The following TTI2 variants were observed in gnomAD, a reference collection of about 807,000 sequenced individuals.
The protein encoded by TTI2 is TELO2 interacting protein 2, also known as TELO2-interacting protein 2.
In TTI2, 26 loss-of-function variants were observed where a neutral mutation model predicts 44.9. The ratio of observed to expected loss-of-function variants is 0.58; its 90% confidence interval spans 0.42 to 0.80. The LOEUF (loss-of-function observed/expected upper bound fraction) is 0.80. Among genes scored for constraint, TTI2 ranks in the 30% least tolerant of loss-of-function variants. The pLI is 0.00. For missense variants in TTI2, 582 were observed against 611.6 expected, an observed-to-expected ratio of 0.95 and a Z score of 0.51; for synonymous variants, 254 against 250.9, an observed-to-expected ratio of 1.01 and a Z score of -0.12.
At chr8:33,510,023 T>G in intron 2 of TTI2, 91 bp from the exon 3 acceptor site, 4 of 1,051,942 alleles carry the variant, frequency 3.8e-6, no homozygotes, top group Non-Finnish European at 5.5e-6. Flanking sequence ...AACAGAGTAT[T>G]TTCATGTCTT....
At chr8:33,501,999 A>T (rs1295782741) in intron 6 of TTI2, among the ~76,000 whole-genome samples, 1 of 152,022 alleles carries the variant, frequency 6.6e-6, no homozygotes, top group African/African-American at 2.4e-5. Context: ...TCTGGAGTGC[A>T]GTGGTTCCAT....
At chr8:33,508,087 TAAAAAAAAAAAAAAAAA>T (rs58891946) in intron 3 of TTI2, among the ~76,000 whole-genome samples, 41 of 19,510 alleles carry the variant, frequency 2.1e-3, no homozygotes, top group African/African-American at 7.2e-3. Context: ...CTAGCGGTAG[TAAAAAAAAAAAAAAAAA>T]AAAAAAAAAA....
At chr8:33,502,900 C>T (rs896021148) in intron 6 of TTI2, among the ~76,000 whole-genome samples, 7 of 146,222 alleles carry the variant, frequency 4.8e-5, no homozygotes, top group African/African-American at 1.0e-4. Flanking sequence ...GAGGCCAAGG[C>T]GGGTGGATTA....
At chr8:33,502,585 G>A (rs1809124884) in intron 6 of TTI2, among the ~76,000 whole-genome samples, 2 of 152,042 alleles carry the variant, frequency 1.3e-5, no homozygotes, top group Non-Finnish European at 2.9e-5. Context: ...AGCACTTTAG[G>A]AGGCTGAGGA....
Position 33,499,062 on chromosome 8 carries a change from G to A in TTI2, c.*111C>T. 1 of 899,040 alleles carries A rather than the reference G, an allele frequency of 1.1e-6. No individual in the cohort carries two copies. The highest frequency in any genetic ancestry group is 1.4e-5 in the South Asian group (1 of 69,472). The allele number at this position is 899,040 out of a possible 1,614,324, so 55.7% of individuals were successfully genotyped here. A position where few individuals can be genotyped will look rare whatever the true frequency, so the allele number is the denominator to read the frequency against. On this transcript the variant is annotated 3_prime_UTR_variant, in exon 8 of 8. Transcript: ENST00000431156. ...AAGGAAAGGAAGGAAGGAAAAAGCA[G>A]CTTTCACTTACAAAGTTTCGTGTAA... is the stretch of plus-strand genomic sequence containing the variant.
At chr8:33,511,812 C>A (rs951832442) in intron 2 of TTI2, among the ~76,000 whole-genome samples, 155 bp downstream of exon 2, 3 of 152,076 alleles carry the variant, frequency 2.0e-5, no homozygotes, top group African/African-American at 7.2e-5. Context: ...TCGCTTGAAC[C>A]CAGGAGGCGG....
chr8:33,504,434 C>A (rs1303683649), intron 4 of TTI2, among the ~76,000 whole-genome samples: 1 of 151,088 alleles, frequency 6.6e-6, no homozygotes, highest in Non-Finnish European at 1.5e-5. Context: ...CTAGTTGGGA[C>A]TACAGGTGTG....
At chr8:33,503,397 G>A (rs1483099472) in intron 6 of TTI2, 32 bp downstream of exon 6, 16 of 1,613,792 alleles carry the variant, frequency 9.9e-6, no homozygotes, top group Admixed American at 8.3e-5. Flanking sequence ...AGAGAAAATC[G>A]GCTGAGTTTT....
chr8:33,505,976 G>C (rs536444437), intron 4 of TTI2, among the ~76,000 whole-genome samples: 1 of 152,196 alleles, frequency 6.6e-6, no homozygotes, highest in East Asian at 1.9e-4. Flanking sequence ...AGTAGAACGG[G>C]GTTTCTCCAT....
chr8:33,508,861 GC>G (rs369419941), intron 3 of TTI2, among the ~76,000 whole-genome samples: 1 of 151,992 alleles, frequency 6.6e-6, no homozygotes, highest in African/African-American at 2.4e-5. Flanking sequence ...TCAACTGTAG[GC>G]CGGGCGGGGT....
In TTI2 at chr8:33,503,441, T is replaced by C. The variant is rs751113227; in HGVS notation, c.1247A>G (p.His416Arg). Residue 416 changes from histidine to arginine, a missense_variant, in exon 6 of 8, where the codon CAT becomes CGT. His to Arg is a conservative substitution (Grantham distance 29). Coordinates refer to ENST00000431156, the MANE Select transcript of TTI2 (RefSeq NM_001102401.4). ...ILETLKLLMQHTWPRVSCRLV... is the reference protein window; with the variant it reads ...ILETLKLLMQRTWPRVSCRLV... Reference sequence around the variant, plus strand: ...AGGCTGCTATTACCTGGGCCAAGTATGTTGCATGAGAAGTTTTAGGGTTTC... The same window carrying C: ...AGGCTGCTATTACCTGGGCCAAGTACGTTGCATGAGAAGTTTTAGGGTTTC... The C allele has an allele frequency of 8.1e-6, 13 of 1,614,148 alleles. No individual in the cohort carries two copies. Among genetic ancestry groups the C allele is most frequent in the Non-Finnish European group, 1.0e-5 (12 of 1,180,036 alleles).
intron 3 of TTI2, 40 bp downstream of exon 3, chr8:33,509,706 C>T: frequency 1.3e-6 from 2 of 1,585,768 alleles, no homozygotes; most frequent in East Asian, 4.5e-5. Flanking sequence ...ATGACTCAGT[C>T]TGTCCTGTCA....
intron 6 of TTI2, among the ~76,000 whole-genome samples, chr8:33,502,981 T>G (rs1022968240): frequency 1.3e-5 from 2 of 151,024 alleles, no homozygotes; most frequent in African/African-American, 4.9e-5. Context: ...TACAAAAAAT[T>G]AGCCGGGCCT....
rs192489584 is a variant in TTI2 at position 33,512,338 on chromosome 8, A to G, written c.276T>C (p.Tyr92=). 7 of 1,614,116 alleles carry G rather than the reference A, an allele frequency of 4.3e-6. No individual in the cohort carries two copies. The African/African-American group carries it at 6.7e-5, about 15-fold the overall frequency. The part of the protein sequence containing the change: ...LGQVAKALEK[Y]AAPSKEEEGG... The stretch of plus-strand genomic sequence containing the variant: ...CTTCCTCCTCCTTGGAGGGGGCTGC[A>G]TACTTCTCCAGGGCTTTTGCTACCT... The change falls in exon 2 of 8, where the codon TAT becomes TAC. Residue 92 remains tyrosine (Y), a synonymous_variant. Transcript: ENST00000431156.
In TTI2 at chr8:33,512,599, G is replaced by C. The variant is rs760064246; in HGVS notation, c.15C>G (p.Ser5Arg). 24 of 1,613,066 alleles carry C rather than the reference G, an allele frequency of 1.5e-5. No individual in the cohort carries two copies. Among genetic ancestry groups the C allele is most frequent in the Non-Finnish European group, 1.9e-5 (22 of 1,180,022 alleles). MELD[S>R]ALEAPSQEDS... ...CTTCCTGCGATGGGGCTTCCAGAGC[G>C]CTGTCAAGCTCCATTCCTGACTGCA... is the stretch of plus-strand genomic sequence containing the variant. Residue 5 changes from serine (S) to arginine (R), a missense_variant, in exon 2 of 8, where the codon AGC becomes AGG. By Grantham distance (110) the Ser-to-Arg change is moderately radical. Coordinates refer to ENST00000431156, the MANE Select transcript of TTI2 (RefSeq NM_001102401.4).
intron 6 of TTI2, among the ~76,000 whole-genome samples, chr8:33,501,974 C>T (rs1021527585): frequency 2.0e-5 from 3 of 152,074 alleles, no homozygotes; most frequent in East Asian, 3.9e-4. Context: ...GACAGAGTCT[C>T]GCTCCGTCAC....
At position 33,512,641 on chromosome 8, in the gene TTI2, C is replaced by G; in HGVS notation, c.-28G>C. ...CTGACTGCAGCACCAGAAGGCTGGT[C>G]TCTCCCACAGAACGAGGATGGAGGC... On this transcript the variant is annotated 5_prime_UTR_variant, in exon 2 of 8. Transcript: ENST00000431156. 1 of 1,609,540 alleles carries G rather than the reference C, an allele frequency of 6.2e-7. No homozygotes were observed. The highest frequency in any genetic ancestry group is 8.5e-7 in the Non-Finnish European group (1 of 1,179,842).
At chr8:33,502,140 C>T (rs1359846479) in intron 6 of TTI2, among the ~76,000 whole-genome samples, 1 of 151,962 alleles carries the variant, frequency 6.6e-6, no homozygotes. Flanking sequence ...GACGGGGTTT[C>T]ACCATATTGG....
chr8:33,502,862 G>A (rs1057386776), intron 6 of TTI2, among the ~76,000 whole-genome samples: 4 of 150,568 alleles, frequency 2.7e-5, no homozygotes, highest in African/African-American at 9.8e-5. Flanking sequence ...GGGCATGGTG[G>A]CTCACGCCTG....
Sources: gnomAD v4.1 joint callset for allele counts (sites outside exome capture counted in the v4.1 genomes callset) on GRCh38, gnomAD v4.1.1 for gene constraint, MANE v1.5 for transcripts, NCBI Gene and HGNC (gene_info 2026-07-23, HGNC 2026-07-21) for gene names.